ST18: variants seen among roughly 807,000 people sequenced by gnomAD.
The protein encoded by ST18 is ST18 C2H2C-type zinc finger transcription factor, also known as suppression of tumorigenicity 18 protein.
In ST18, 50 loss-of-function variants were observed where a neutral mutation model predicts 110.0. The observed-to-expected ratio is 0.45, with a 90% CI of 0.36 to 0.58. ST18 has a LOEUF of 0.58. ST18 is among the 20% of genes least tolerant of loss of function. The probability of loss-of-function intolerance (pLI) is 0.00; values close to 1 mark genes in which losing one functional copy is unlikely to be tolerated. For missense variants in ST18, 1,306 were observed against 1,280.1 expected (o/e 1.02, Z -0.31); for synonymous variants, 461 against 452.4 (o/e 1.02, Z -0.24).
chr8:52,350,640 G>A (rs7386557), intron 2 of ST18, among the ~76,000 whole-genome samples: 119,848 of 152,120 alleles, frequency 0.79, 50,469 homozygotes, highest in Non-Finnish European at 0.93. Context: ...GGAAGTGGGG[G>A]AGGCAAGATC....
Position 52,149,810 on chromosome 8 carries a change from C to T in ST18, c.1974G>A (p.Gln658=), listed in dbSNP as rs188147137. Residue 658 remains glutamine (Q), a synonymous_variant, in exon 16 of 26, where the codon CAG becomes CAA. Coordinates refer to ENST00000689386, the MANE Select transcript of ST18 (RefSeq NM_001352837.2). Reference sequence around the variant, plus strand: ...CCCAGCCCTCTTGGTCACAAAGAGCCTGATAGAATGCTGCATTGACCAGAA... The same window carrying T: ...CCCAGCCCTCTTGGTCACAAAGAGCTTGATAGAATGCTGCATTGACCAGAA... ...SSILVNAAFY[Q]ALCDQEGWDT... 3.9e-5 allele frequency: 63 copies of T among 1,614,138 alleles called. No individual in the cohort carries two copies. In the East Asian group the frequency reaches 1.3e-3, roughly 34 times the overall value.
At chr8:52,270,058 C>T (rs1388193998) in intron 2 of ST18, among the ~76,000 whole-genome samples, 2 of 152,080 alleles carry the variant, frequency 1.3e-5, no homozygotes, top group Non-Finnish European at 2.9e-5. Flanking sequence ...ATCCCCGACA[C>T]ATGTAATATT....
At chr8:52,138,913 T>C (rs2053640692) in intron 17 of ST18, among the ~76,000 whole-genome samples, 2 of 152,206 alleles carry the variant, frequency 1.3e-5, no homozygotes, top group Non-Finnish European at 2.9e-5. Flanking sequence ...CTATATTTTC[T>C]GAGTTATCAC....
At chr8:52,150,314 A>T (rs1344300274) in intron 15 of ST18, among the ~76,000 whole-genome samples, 2 of 152,160 alleles carry the variant, frequency 1.3e-5, no homozygotes, top group African/African-American at 4.8e-5. Context: ...ACATACACAC[A>T]CATTTACAAG....
chr8:52,408,287 C>G (rs1177467882), intron 2 of ST18, among the ~76,000 whole-genome samples: 1 of 152,204 alleles, frequency 6.6e-6, no homozygotes, highest in Non-Finnish European at 1.5e-5. Flanking sequence ...GGGACCATTC[C>G]TGCTAATTTG....
intron 2 of ST18, among the ~76,000 whole-genome samples, chr8:52,295,305 T>G (rs1257924539): frequency 6.6e-6 from 1 of 152,216 alleles, no homozygotes; most frequent in Non-Finnish European, 1.5e-5. Context: ...ATTATTGAAC[T>G]AAGACTATCT....
At chr8:52,287,194 C>A (rs184737406) in intron 2 of ST18, among the ~76,000 whole-genome samples, 7 of 152,048 alleles carry the variant, frequency 4.6e-5, no homozygotes, top group South Asian at 4.1e-4. Flanking sequence ...AGAAGAAATT[C>A]AAAAATGATG....
chr8:52,261,408 T>C (rs1589405108), intron 2 of ST18, among the ~76,000 whole-genome samples: 2 of 152,326 alleles, frequency 1.3e-5, no homozygotes, highest in South Asian at 4.2e-4. Flanking sequence ...TTCAATCCTA[T>C]GGAAATGTTC....
At chr8:52,128,333 C>T (rs981309864) in intron 22 of ST18, among the ~76,000 whole-genome samples, 6 of 152,122 alleles carry the variant, frequency 3.9e-5, no homozygotes, top group Admixed American at 6.5e-5. Context: ...CAATGTATCT[C>T]GTGAACATAA....
chr8:52,338,390 A>G (rs1813211298), intron 2 of ST18, among the ~76,000 whole-genome samples: 1 of 151,962 alleles, frequency 6.6e-6, no homozygotes, highest in Admixed American at 6.6e-5. Context: ...TCTTCTGGGG[A>G]TTCCTAATAC....
chr8:52,171,934 T>C lies in ST18; in HGVS notation c.927A>G (p.Ala309=). The C allele has an allele frequency of 1.9e-6, 3 of 1,614,206 alleles. No homozygotes were observed. Among genetic ancestry groups the C allele is most frequent in the Non-Finnish European group, 2.5e-6 (3 of 1,180,024 alleles). The change falls in exon 10 of 26, where the codon GCA becomes GCG. Residue 309 remains alanine, a synonymous_variant. Coordinates refer to ENST00000689386, the MANE Select transcript of ST18 (RefSeq NM_001352837.2). The part of the protein sequence containing the change: ...AKGNLSLLEQ[A]IALQAERGCV... ...AACCTCGCTCAGCCTGCAGAGCAAT[T>C]GCCTGCTCCAGCAAACTTAAATTCC...
intron 22 of ST18, among the ~76,000 whole-genome samples, chr8:52,129,451 C>CAAA (rs34059224): frequency 0.013 from 934 of 71,666 alleles, 8 homozygotes; most frequent in East Asian, 0.041. Flanking sequence ...GAGACTCCAT[C>CAAA]AAAAAAAAAA....
chr8:52,399,904 C>T (rs145583460), intron 2 of ST18, among the ~76,000 whole-genome samples: 268 of 152,020 alleles, frequency 1.8e-3, no homozygotes, highest in African/African-American at 6.1e-3. Context: ...TTGAAAGTTC[C>T]ATATATGTCT....
At chr8:52,185,810 T>C (rs1426141286) in intron 8 of ST18, among the ~76,000 whole-genome samples, 8 of 152,072 alleles carry the variant, frequency 5.3e-5, no homozygotes, top group African/African-American at 1.9e-4. Flanking sequence ...TAATAAAACT[T>C]CTAGAAGAAA....
At chr8:52,331,663 T>C (rs1469890898) in intron 2 of ST18, among the ~76,000 whole-genome samples, 1 of 152,162 alleles carries the variant, frequency 6.6e-6, no homozygotes, top group South Asian at 2.1e-4. Context: ...CTATCACACA[T>C]TGTTGTAATT....
intron 2 of ST18, among the ~76,000 whole-genome samples, chr8:52,297,247 C>T (rs1005749996): frequency 1.3e-5 from 2 of 152,280 alleles, no homozygotes; most frequent in Middle Eastern, 3.4e-3. Flanking sequence ...TGTCATTGTA[C>T]GTGAAGTGTG....
intron 2 of ST18, among the ~76,000 whole-genome samples, chr8:52,356,048 T>A (rs963186162): frequency 2.0e-5 from 3 of 152,090 alleles, no homozygotes; most frequent in African/African-American, 7.2e-5. Context: ...CATGGGAGAA[T>A]AAAGGATTTA....
At chr8:52,269,592 A>G (rs2095000484) in intron 2 of ST18, among the ~76,000 whole-genome samples, 1 of 152,186 alleles carries the variant, frequency 6.6e-6, no homozygotes. Flanking sequence ...TGGGCAAATT[A>G]GAGTGCATTA....
intron 9 of ST18, among the ~76,000 whole-genome samples, chr8:52,173,895 G>A (rs2065943582): frequency 6.6e-6 from 1 of 152,104 alleles, no homozygotes; most frequent in African/African-American, 2.4e-5. Flanking sequence ...TGTCTTTTTG[G>A]TCTCATTTAA....
Sources: gnomAD v4.1 joint callset for allele counts (sites outside exome capture counted in the v4.1 genomes callset) on GRCh38, gnomAD v4.1.1 for gene constraint, MANE v1.5 for transcripts, NCBI Gene and HGNC (gene_info 2026-07-23, HGNC 2026-07-21) for gene names.